The following LRCH3 variants were observed in gnomAD, a reference collection of about 807,000 sequenced individuals.
LRCH3 encodes DISP complex protein LRCH3.
In LRCH3, 68 loss-of-function variants were observed where a neutral mutation model predicts 104.5. The ratio of observed to expected loss-of-function variants is 0.65; its 90% confidence interval spans 0.54 to 0.80. The LOEUF (loss-of-function observed/expected upper bound fraction) is 0.80, where lower values mean the gene tolerates loss of function less well. Ranked by LOEUF, LRCH3 falls within the 30% of genes least tolerant of loss-of-function variation. The pLI, the probability that LRCH3 is intolerant of heterozygous loss-of-function variation, is 0.00. For missense variants in LRCH3, 951 were observed against 953.9 expected (o/e 1.00, Z 0.04); for synonymous variants, 344 against 361.3 (o/e 0.95, Z 0.54).
chr3:197,887,295 C>T lies in LRCH3; in HGVS notation c.*3629C>T, dbSNP rs1341577201. On this transcript the variant is annotated 3_prime_UTR_variant, in exon 21 of 21. Transcript: ENST00000425562. ...TAAGATGAAGATGACCTTGTCACAG[C>T]TCCCCTGACCTGAAGCAGAGCCCTT... The T allele has an allele frequency of 6.5e-6, 1 of 152,778 alleles. No individual in the cohort carries two copies. Among genetic ancestry groups the T allele is most frequent in the Non-Finnish European group, 1.5e-5 (1 of 68,284 alleles). The allele number at this position is 152,778 out of a possible 1,614,324, so 9.5% of individuals were successfully genotyped here. A position where few individuals can be genotyped will look rare whatever the true frequency, so the allele number is the denominator to read the frequency against.
intron 10 of LRCH3, among the ~76,000 whole-genome samples, chr3:197,846,423 A>G (rs1028600837): frequency 6.8e-6 from 1 of 148,008 alleles, no homozygotes; most frequent in African/African-American, 2.5e-5. Context: ...GGCTGGGCGC[A>G]GTGGCTCACA....
In LRCH3 at chr3:197,858,891, T is replaced by G. The variant is rs1442126393; in HGVS notation, c.1702T>G (p.Phe568Val). 1 of 1,613,486 alleles carries G rather than the reference T, an allele frequency of 6.2e-7. No homozygotes were observed. Among genetic ancestry groups the G allele is most frequent in the East Asian group, 2.2e-5 (1 of 44,890 alleles). ...CAATLPHSSA[F>V]TPLKSDDRPN... ...TGCTACCCTGCCTCATTCTTCTGCC[T>G]TCACGCCTCTTAAGGTATCTCTTGT... Residue 568 changes from phenylalanine to valine, a missense_variant, in exon 15 of 21, where the codon TTC becomes GTC. Transcript: ENST00000425562.
intron 5 of LRCH3, among the ~76,000 whole-genome samples, chr3:197,827,892 C>T (rs1034847548): frequency 2.6e-5 from 4 of 151,892 alleles, no homozygotes; most frequent in Non-Finnish European, 5.9e-5. Flanking sequence ...TCCTGGCCAA[C>T]ATGGTGAAAC....
intron 1 of LRCH3, among the ~76,000 whole-genome samples, chr3:197,796,755 A>G (rs891977199): frequency 6.6e-6 from 1 of 152,226 alleles, no homozygotes; most frequent in Non-Finnish European, 1.5e-5. Context: ...ATAAGTGACA[A>G]AACTAGGATT....
chr3:197,817,264 C>A lies in LRCH3; in HGVS notation c.496C>A (p.Pro166Thr). Residue 166 changes from proline (P) to threonine (T), a missense_variant, in exon 3 of 21, where the codon CCA becomes ACA. Transcript: ENST00000425562. The part of the protein sequence containing the change: ...IASNNKLVSL[P>T]EEIGHLRHLM... ...TAGTAATAACAAATTGGTGTCACTTCCAGAAGAAATTGGACACCTTAGACA... is the reference window on the plus strand; with the variant it reads ...TAGTAATAACAAATTGGTGTCACTTACAGAAGAAATTGGACACCTTAGACA... 1 of 1,610,040 alleles carries A rather than the reference C, an allele frequency of 6.2e-7. No individual in the cohort carries two copies. Among genetic ancestry groups the A allele is most frequent in the Admixed American group, 1.7e-5 (1 of 59,454 alleles).
In LRCH3 at chr3:197,883,669, A is replaced by G. The variant is rs1027371413; in HGVS notation, c.*3A>G. The G allele has an allele frequency of 1.9e-5, 29 of 1,535,762 alleles. No homozygotes were observed. Among genetic ancestry groups the G allele is most frequent in the Admixed American group, 5.9e-5 (3 of 50,912 alleles). On this transcript the variant is annotated 3_prime_UTR_variant, in exon 21 of 21. Coordinates refer to ENST00000425562, the MANE Select transcript of LRCH3 (RefSeq NM_001365715.1). This position sits in a 1 kb window ranked among gnomAD's most constrained non-coding sequence, Gnocchi z 4.2. ...AGCACCAGTTATCTGCTGTTTGAGG[A>G]TCCCCAGGACGGTGGGCACTGGCCT...
chr3:197,863,417 T>G (rs879368221), intron 15 of LRCH3, among the ~76,000 whole-genome samples: 4 of 152,054 alleles, frequency 2.6e-5, no homozygotes, highest in African/African-American at 9.7e-5. Flanking sequence ...GCCACCACCA[T>G]GCCCACCTAA....
Position 197,873,765 on chromosome 3 carries a change from G to A in LRCH3, c.2131-1933G>A, listed in dbSNP as rs545921367. 2.0e-5 allele frequency among the ~76,000 whole-genome samples: 3 copies of A among 152,180 alleles called. No homozygotes were observed. The South Asian group carries it at 6.2e-4, about 32-fold the overall frequency. ...GGGCCAGGCACAGTGGCTCTTGCCT[G>A]TAATCCCAGCACTTTGGGAGGCCCA... is the stretch of plus-strand genomic sequence containing the variant. On this transcript the variant is annotated intron_variant, in intron 19 of 20. Transcript: ENST00000425562.
rs57062885 is a variant in LRCH3, at chr3:197,813,510, A to ATTTTTTTTT, written c.263-1368_263-1360dup. Among the ~76,000 whole-genome samples the ATTTTTTTTT allele has an allele frequency of 2.0e-4, 13 of 66,060 alleles. 1 individual carries two copies. Among genetic ancestry groups the ATTTTTTTTT allele is most frequent in the South Asian group, 6.1e-4 (1 of 1,646 alleles). 43.3% of individuals were successfully genotyped at this position (66,060 alleles called of 152,430 possible). A position where few individuals can be genotyped will look rare whatever the true frequency, so the allele number is the denominator to read the frequency against. ...CCGTTCTTCTAATGGGAGGCATATA[A>ATTTTTTTTT]TTTTTTTTTTTTTTTTTTTTTTTTT... On this transcript the variant is annotated intron_variant, in intron 1 of 20. Transcript: ENST00000425562.
chr3:197,851,102 G>C (rs530749814), intron 12 of LRCH3: 32 of 568,476 alleles, frequency 5.6e-5, no homozygotes, highest in African/African-American at 4.5e-4. Flanking sequence ...GAACAAGGCA[G>C]GTTGGCTCTG....
chr3:197,838,431 T>C (rs1270835462), intron 9 of LRCH3, among the ~76,000 whole-genome samples: 1 of 143,800 alleles, frequency 7.0e-6, no homozygotes, highest in African/African-American at 2.9e-5. Flanking sequence ...GATATACCTG[T>C]TTCTTGGAGG....
At chr3:197,822,993 T>G (rs1294873940) in intron 4 of LRCH3, 1 of 146,198 alleles carries the variant, frequency 6.8e-6, no homozygotes, top group African/African-American at 2.7e-5. Flanking sequence ...TATTTTTACT[T>G]CTTTTTTTTT....
chr3:197,864,709 CTTT>C (rs11367873), intron 15 of LRCH3, among the ~76,000 whole-genome samples: 2 of 132,954 alleles, frequency 1.5e-5, no homozygotes, highest in Non-Finnish European at 3.2e-5. Context: ...TCTTCTTCTT[CTTT>C]TTTTTTTTTT....
intron 12 of LRCH3, 26 bp downstream of exon 12, chr3:197,848,047 A>G: frequency 1.2e-6 from 2 of 1,612,594 alleles, no homozygotes; most frequent in Non-Finnish European, 1.7e-6. Flanking sequence ...GATGCTGTTC[A>G]AGCTGCTGAC....
At chr3:197,848,063 A>T (rs1229932566) in intron 12 of LRCH3, 42 bp downstream of exon 12, 1 of 1,608,574 alleles carries the variant, frequency 6.2e-7, no homozygotes, top group African/African-American at 1.3e-5. Context: ...CTGACTGGCT[A>T]AGTGCTTATT....
At position 197,847,439 on chromosome 3, in the gene LRCH3, A is replaced by G. The variant is rs1193735367; in HGVS notation, c.1359A>G (p.Ser453=). Residue 453 remains serine (S), a synonymous_variant, in exon 11 of 21, where the codon TCA becomes TCG. Transcript: ENST00000425562. Reference sequence around the variant, plus strand: ...CAGCTGAGCCATCTTCCCTCCTGTCACTATCAGCAAGTCACAATCAGGTAA... The same window carrying G: ...CAGCTGAGCCATCTTCCCTCCTGTCGCTATCAGCAAGTCACAATCAGGTAA... ...RVPAEPSSLL[S]LSASHNQLSH... The G allele has an allele frequency of 1.9e-6, 3 of 1,599,924 alleles. No homozygotes were observed. Among genetic ancestry groups the G allele is most frequent in the East Asian group, 4.6e-5 (2 of 43,892 alleles).
At chr3:197,799,538 T>C (rs1334048032) in intron 1 of LRCH3, among the ~76,000 whole-genome samples, 1 of 152,226 alleles carries the variant, frequency 6.6e-6, no homozygotes, top group Non-Finnish European at 1.5e-5. Flanking sequence ...AACTGATTTC[T>C]TATTTAAAAA....
Position 197,886,801 on chromosome 3 carries a change from T to C in LRCH3, c.*3135T>C, listed in dbSNP as rs1208989702. 2 of 108,296 alleles carry C rather than the reference T, an allele frequency of 1.8e-5. No homozygotes were observed. Among genetic ancestry groups the C allele is most frequent in the African/African-American group, 8.6e-5 (2 of 23,144 alleles). The allele number at this position is 108,296 out of a possible 1,614,324, so 6.7% of individuals were successfully genotyped here. On this transcript the variant is annotated 3_prime_UTR_variant, in exon 21 of 21. Transcript: ENST00000425562. ...GCCTGGGCAACAGAGCGAGACTCTG[T>C]CTCAAAAAAAAAAAAAAAAAAAAAC...
chr3:197,791,261 A>G lies in LRCH3; in HGVS notation c.-18A>G, dbSNP rs752005887. Reference sequence around the variant, plus strand: ...CGCATGCGCTGAGCTGGCGGGCCCGAGTGTTGTCGGCTGGGAAATGGCGGC... The same window carrying G: ...CGCATGCGCTGAGCTGGCGGGCCCGGGTGTTGTCGGCTGGGAAATGGCGGC... On this transcript the variant is annotated 5_prime_UTR_variant, in exon 1 of 21. Transcript: ENST00000425562. The G allele has an allele frequency of 2.5e-6, 4 of 1,606,558 alleles. No homozygotes were observed. Among genetic ancestry groups the G allele is most frequent in the South Asian group, 1.1e-5 (1 of 90,144 alleles).
Sources: allele counts gnomAD v4.1 joint callset (sites outside exome capture counted in the v4.1 genomes callset), GRCh38; gene constraint gnomAD v4.1.1; non-coding constraint Gnocchi (gnomAD v3.1); transcripts MANE v1.5; gene names NCBI Gene and HGNC (gene_info 2026-07-23, HGNC 2026-07-21).